USH2A: variants seen among roughly 807,000 people sequenced by gnomAD.
The protein encoded by USH2A is usherin.
In USH2A, 443 loss-of-function variants were observed where a neutral mutation model predicts 538.9. That is an observed-to-expected ratio of 0.82 (90% CI 0.76 to 0.89). The LOEUF is 0.89. Ranked by LOEUF, USH2A falls within the 40% of genes least tolerant of loss-of-function variation. The pLI is 0.00. For missense variants in USH2A, 6,633 were observed against 6,324.8 expected (o/e 1.05, Z -1.65); for synonymous variants, 2,413 against 2,273.5 (o/e 1.06, Z -1.75).
chr1:215,683,474 T>C (rs1017723598), intron 61 of USH2A, among the ~76,000 whole-genome samples: 1 of 152,234 alleles, frequency 6.6e-6, no homozygotes, highest in Non-Finnish European at 1.5e-5. Context: ...AGAATCCTGC[T>C]GCAAAATTTG....
At chr1:216,075,200 A>C (rs1224116165) in intron 27 of USH2A, among the ~76,000 whole-genome samples, 1 of 152,170 alleles carries the variant, frequency 6.6e-6, no homozygotes, top group Admixed American at 6.6e-5. Flanking sequence ...TAATCCTCCT[A>C]AGGAAATGGT....
intron 35 of USH2A, among the ~76,000 whole-genome samples, chr1:215,990,047 T>C (rs773952032): frequency 2.0e-5 from 3 of 152,196 alleles, no homozygotes; most frequent in East Asian, 1.9e-4. Context: ...AAAGGGTTTA[T>C]TTAGTTACAC....
intron 44 of USH2A, among the ~76,000 whole-genome samples, chr1:215,865,392 A>C (rs996254845): frequency 3.9e-5 from 6 of 152,192 alleles, no homozygotes; most frequent in Admixed American, 1.3e-4. Context: ...TAGGTTTGTC[A>C]GTTTTTATAA....
chr1:215,671,409 C>T lies in USH2A; in HGVS notation c.13812-116G>A. On this transcript the variant is annotated intron_variant, in intron 63 of 71. Transcript: ENST00000307340. ...ACAAGCTTACATGTATTCTTATTCACAGCTAATTCTTAAGAATAACAAAGT... is the reference window on the plus strand; with the variant it reads ...ACAAGCTTACATGTATTCTTATTCATAGCTAATTCTTAAGAATAACAAAGT... 2.8e-6 allele frequency: 3 copies of T among 1,090,384 alleles called. 1 individual carries two copies. Among genetic ancestry groups the T allele is most frequent in the South Asian group, 2.9e-5 (2 of 70,116 alleles). The allele number at this position is 1,090,384 out of a possible 1,614,324, so 67.5% of individuals were successfully genotyped here.
chr1:215,891,866 G>T (rs780481936), intron 40 of USH2A, among the ~76,000 whole-genome samples: 1 of 152,132 alleles, frequency 6.6e-6, no homozygotes, highest in Non-Finnish European at 1.5e-5. Context: ...AGCGCTCTCC[G>T]TGGGTGTAAT....
At chr1:216,355,146 G>A (rs1571733761) in intron 4 of USH2A, among the ~76,000 whole-genome samples, 1 of 151,346 alleles carries the variant, frequency 6.6e-6, no homozygotes, top group Non-Finnish European at 1.5e-5. Flanking sequence ...GGTCTCTACT[G>A]AAAATACAAA....
chr1:216,313,904 ATTTC>A (rs1479087973), intron 9 of USH2A, among the ~76,000 whole-genome samples: 1 of 152,056 alleles, frequency 6.6e-6, no homozygotes, highest in Non-Finnish European at 1.5e-5. Flanking sequence ...TTAGAAATTA[ATTTC>A]TTACACTTTG....
chr1:215,766,889 A>G (rs1446323566), intron 55 of USH2A, 101 bp from the exon 56 acceptor site: 2 of 1,104,556 alleles, frequency 1.8e-6, no homozygotes, highest in African/African-American at 3.1e-5. Context: ...TGATAGCCAA[A>G]ACATTTAAGA....
At chr1:215,999,795 C>T (rs536167201) in intron 33 of USH2A, among the ~76,000 whole-genome samples, 51 of 152,182 alleles carry the variant, frequency 3.4e-4, no homozygotes, top group Middle Eastern at 3.4e-3. Context: ...TAATATTTTT[C>T]GGCTTGAATA....
intron 9 of USH2A, among the ~76,000 whole-genome samples, chr1:216,301,917 C>A (rs183043969): frequency 6.6e-6 from 1 of 152,266 alleles, no homozygotes; most frequent in East Asian, 1.9e-4. Context: ...CGGCTCTATT[C>A]AAGGCTTCCC....
intron 21 of USH2A, among the ~76,000 whole-genome samples, chr1:216,166,735 G>A (rs1488271110): frequency 6.6e-6 from 1 of 152,164 alleles, no homozygotes; most frequent in South Asian, 2.1e-4. Flanking sequence ...GGTACACACG[G>A]AAGGAGGAAC....
At chr1:216,190,189 A>C in intron 20 of USH2A, 34 bp downstream of exon 20, 1 of 1,611,276 alleles carries the variant, frequency 6.2e-7, no homozygotes, top group Non-Finnish European at 8.5e-7. Flanking sequence ...CTTGATAGGC[A>C]ACAGATTTTT....
At chr1:216,330,380 G>C (rs372083063) in intron 4 of USH2A, among the ~76,000 whole-genome samples, 1 of 152,066 alleles carries the variant, frequency 6.6e-6, no homozygotes, top group Non-Finnish European at 1.5e-5. Context: ...CTAGATTTTA[G>C]TGGGGATGTT....
intron 38 of USH2A, among the ~76,000 whole-genome samples, chr1:215,903,908 T>G (rs530992910): frequency 6.6e-6 from 1 of 152,256 alleles, no homozygotes; most frequent in African/African-American, 2.4e-5. Context: ...ACATTTTTGG[T>G]TTGAAGGACA....
At position 216,339,827 on chromosome 1, in the gene USH2A, C is replaced by A. The variant is rs974914573; in HGVS notation, c.785-12173G>T. Among the ~76,000 whole-genome samples the A allele has an allele frequency of 7.7e-4, 116 of 151,216 alleles. 2 individuals are homozygous for A. Among genetic ancestry groups the A allele is most frequent in the Non-Finnish European group, 1.2e-3 (78 of 67,786 alleles). On this transcript the variant is annotated intron_variant, in intron 4 of 71. Coordinates refer to ENST00000307340, the MANE Select transcript of USH2A (RefSeq NM_206933.4). ...ACATACCAGAATCTCTGGAACACAG[C>A]TAAGGCAGTGTTAAGAGGGAAATTT...
chr1:215,659,701 G>A (rs1239841443), intron 64 of USH2A, among the ~76,000 whole-genome samples: 1 of 151,176 alleles, frequency 6.6e-6, no homozygotes, highest in Non-Finnish European at 1.5e-5. Context: ...GGTTTAGTGA[G>A]TTTAAATTAA....
At chr1:216,056,916 A>T (rs190416138) in intron 30 of USH2A, among the ~76,000 whole-genome samples, 1 of 152,326 alleles carries the variant, frequency 6.6e-6, no homozygotes, top group African/African-American at 2.4e-5. Flanking sequence ...TAGAAAACAG[A>T]AAAGTCTGGC....
At chr1:216,356,563 T>G (rs1407561399) in intron 4 of USH2A, among the ~76,000 whole-genome samples, 2 of 152,056 alleles carry the variant, frequency 1.3e-5, no homozygotes, top group African/African-American at 4.8e-5. Context: ...TACATTAAAT[T>G]TATAGAATTT....
At chr1:215,957,930 C>T (rs897184652) in intron 37 of USH2A, among the ~76,000 whole-genome samples, 4 of 152,094 alleles carry the variant, frequency 2.6e-5, no homozygotes, top group Non-Finnish European at 5.9e-5. Context: ...CAGAGGGCAG[C>T]GTGTCAGATA....
Sources: gnomAD v4.1 joint callset for allele counts (sites outside exome capture counted in the v4.1 genomes callset) on GRCh38, gnomAD v4.1.1 for gene constraint, MANE v1.5 for transcripts, NCBI Gene and HGNC (gene_info 2026-07-23, HGNC 2026-07-21) for gene names.